ZNF469: variants seen among roughly 807,000 people sequenced by gnomAD.
ZNF469 encodes zinc finger protein 469.
Under a neutral mutation model 1.0 loss-of-function variants are expected in ZNF469, and 1 was observed. That is an observed-to-expected ratio of 1.00 (90% CI 0.35 to 4.73). The LOEUF is 4.73. ZNF469 is among the 30% of genes most tolerant of loss of function. The pLI is 0.16. For synonymous variants in ZNF469, 2,703 were observed against 2,363.4 expected, an observed-to-expected ratio of 1.14 and a Z score of -4.17; for missense variants, 6,100 against 5,356.3, an observed-to-expected ratio of 1.14 and a Z score of -4.33.
At chr16:88,186,300 A>C in the ZNF469 span, among the ~76,000 whole-genome samples, 6 of 152,206 alleles carry the variant, frequency 3.9e-5, no homozygotes, top group Non-Finnish European at 2.9e-5. Flanking sequence ...GGTTATGCTA[A>C]TGGCATCCAC....
At chr16:88,334,861 C>T in the ZNF469 span, among the ~76,000 whole-genome samples, 5 of 144,714 alleles carry the variant, frequency 3.5e-5, no homozygotes, top group South Asian at 4.4e-4. Context: ...CAGAGACGGA[C>T]GTGGGAGCCG....
At chr16:88,275,473 C>A in the ZNF469 span, among the ~76,000 whole-genome samples, 4 of 152,160 alleles carry the variant, frequency 2.6e-5, no homozygotes, top group Non-Finnish European at 5.9e-5. Flanking sequence ...TCCTGAGATC[C>A]CCTCAGAGCC....
At chr16:88,288,304 C>T in the ZNF469 span, among the ~76,000 whole-genome samples, 5 of 152,270 alleles carry the variant, frequency 3.3e-5, no homozygotes, top group South Asian at 8.3e-4. Context: ...CAGGGAGGCA[C>T]GCATGTTGAG....
the ZNF469 span, among the ~76,000 whole-genome samples, chr16:88,105,140 G>C: frequency 6.6e-6 from 1 of 152,166 alleles, no homozygotes; most frequent in African/African-American, 2.4e-5. Flanking sequence ...AGGAACAGTT[G>C]AGCTGGGAAG....
At chr16:88,143,908 C>G in the ZNF469 span, among the ~76,000 whole-genome samples, 33 of 152,314 alleles carry the variant, frequency 2.2e-4, no homozygotes, top group South Asian at 2.9e-3. Flanking sequence ...TCCCTGTGTT[C>G]GCTGCCTTCC....
the ZNF469 span, among the ~76,000 whole-genome samples, chr16:88,191,262 C>G: frequency 2.0e-5 from 3 of 152,114 alleles, no homozygotes; most frequent in African/African-American, 7.2e-5. Flanking sequence ...CAAACAGCCT[C>G]TTTTGGAAGA....
At chr16:88,274,502 T>G in the ZNF469 span, among the ~76,000 whole-genome samples, 1 of 152,234 alleles carries the variant, frequency 6.6e-6, no homozygotes, top group Non-Finnish European at 1.5e-5. Context: ...ACCGCACCAA[T>G]AGAAGTTTCA....
At chr16:88,242,113 G>A in the ZNF469 span, among the ~76,000 whole-genome samples, 3 of 152,214 alleles carry the variant, frequency 2.0e-5, no homozygotes, top group African/African-American at 4.8e-5. Flanking sequence ...CCACCTGCAG[G>A]TGGCCCAAGC....
the ZNF469 span, among the ~76,000 whole-genome samples, chr16:88,224,114 G>T: frequency 1.3e-5 from 2 of 152,234 alleles, no homozygotes; most frequent in African/African-American, 2.4e-5. Flanking sequence ...CGGGGCAGGG[G>T]TCTGAAGGGA....
chr16:88,353,477 G>A, the ZNF469 span, among the ~76,000 whole-genome samples: 1 of 152,170 alleles, frequency 6.6e-6, no homozygotes, highest in African/African-American at 2.4e-5. Flanking sequence ...ACGCTGTACA[G>A]AGCCACCAGC....
At chr16:88,157,301 C>T in the ZNF469 span, among the ~76,000 whole-genome samples, 1 of 152,234 alleles carries the variant, frequency 6.6e-6, no homozygotes, top group Non-Finnish European at 1.5e-5. Flanking sequence ...AGTGGAGCCC[C>T]ACAGCCTCAG....
the ZNF469 span, among the ~76,000 whole-genome samples, chr16:88,229,487 C>G: frequency 6.6e-6 from 1 of 152,356 alleles, no homozygotes; most frequent in African/African-American, 2.4e-5. Context: ...ACGTGCGGTG[C>G]TTGTGCTAGT....
the ZNF469 span, among the ~76,000 whole-genome samples, chr16:88,189,790 G>C: frequency 6.6e-6 from 1 of 152,072 alleles, no homozygotes; most frequent in Non-Finnish European, 1.5e-5. The surrounding 1 kb of genome is among the most constrained non-coding windows in gnomAD (Gnocchi z 4.3). Context: ...ATGGTGGCAG[G>C]CACCTGTAAT....
At chr16:88,371,530 G>C in the ZNF469 span, among the ~76,000 whole-genome samples, 9 of 152,282 alleles carry the variant, frequency 5.9e-5, no homozygotes, top group Non-Finnish European at 1.3e-4. Flanking sequence ...TTTGCCCAAA[G>C]CTGCCAGTCA....
chr16:88,347,862 G>A, the ZNF469 span, among the ~76,000 whole-genome samples: 160 of 152,258 alleles, frequency 1.1e-3, no homozygotes, highest in African/African-American at 3.8e-3. Context: ...GCAGAGTCCT[G>A]TGAGAGGTGT....
the ZNF469 span, among the ~76,000 whole-genome samples, chr16:88,226,776 C>T: frequency 2.0e-5 from 3 of 150,602 alleles, no homozygotes; most frequent in African/African-American, 7.3e-5. Context: ...TTTCCTCCTC[C>T]CTTCCTGCCT....
chr16:88,355,657 AC>A, the ZNF469 span, among the ~76,000 whole-genome samples: 3 of 152,094 alleles, frequency 2.0e-5, no homozygotes, highest in East Asian at 5.8e-4. Context: ...TGTTTCCAGG[AC>A]CCGCAGGAAG....
At chr16:88,373,341 G>T in the ZNF469 span, among the ~76,000 whole-genome samples, 3 of 152,220 alleles carry the variant, frequency 2.0e-5, no homozygotes. Flanking sequence ...AGGTGGTTTG[G>T]TGGGGGAGTG....
the ZNF469 span, among the ~76,000 whole-genome samples, chr16:88,227,930 C>G: frequency 6.6e-6 from 1 of 152,218 alleles, no homozygotes; most frequent in Admixed American, 6.5e-5. Context: ...TGCACCCCGC[C>G]AGGCTCTGCC....
Sources: allele counts gnomAD v4.1 joint callset (sites outside exome capture counted in the v4.1 genomes callset), GRCh38; gene constraint gnomAD v4.1.1; non-coding constraint Gnocchi (gnomAD v3.1); transcripts MANE v1.5; gene names NCBI Gene and HGNC (gene_info 2026-07-23, HGNC 2026-07-21).